The following DACH1 variants were observed in gnomAD, a reference collection of about 807,000 sequenced individuals.
The protein encoded by DACH1 is dachshund homolog 1.
Under a neutral mutation model 54.2 loss-of-function variants are expected in DACH1, and 12 were observed. That is an observed-to-expected ratio of 0.22 (90% confidence interval 0.14 to 0.36). DACH1 has a LOEUF of 0.36. Ranked by LOEUF, DACH1 falls within the 10% of genes least tolerant of loss-of-function variation. The pLI, the probability that DACH1 is intolerant of heterozygous loss-of-function variation, is 1.00. For synonymous variants in DACH1, 386 were observed against 366.2 expected, an observed-to-expected ratio of 1.05 and a Z score of -0.62; for missense variants, 805 against 929.8, an observed-to-expected ratio of 0.87 and a Z score of 1.75.
intron 1 of DACH1, among the ~76,000 whole-genome samples, chr13:71,828,593 A>G (rs1888469366): frequency 6.6e-6 from 1 of 152,048 alleles, no homozygotes; most frequent in African/African-American, 2.4e-5. Flanking sequence ...ATAATGTGCC[A>G]TCTCTAAAGC....
chr13:71,684,283 G>T (rs55773812), intron 1 of DACH1, among the ~76,000 whole-genome samples: 4,107 of 152,138 alleles, frequency 0.027, 87 homozygotes, highest in Middle Eastern at 0.044. Context: ...ATTTGACCTT[G>T]CTTTCCATTT....
intron 2 of DACH1, among the ~76,000 whole-genome samples, chr13:71,650,113 G>T (rs1310383412): frequency 6.6e-6 from 1 of 152,110 alleles, no homozygotes; most frequent in African/African-American, 2.4e-5. Context: ...TTTACTGTTT[G>T]TTCACATTGA....
At chr13:71,488,129 AATATG>A (rs1195704121) in intron 7 of DACH1, among the ~76,000 whole-genome samples, 1 of 152,188 alleles carries the variant, frequency 6.6e-6, no homozygotes, top group African/African-American at 2.4e-5. Context: ...GGGAAACTTT[AATATG>A]ATAGGATATG....
intron 1 of DACH1, among the ~76,000 whole-genome samples, chr13:71,694,669 TG>T (rs1013023842): frequency 1.3e-5 from 2 of 152,202 alleles, no homozygotes; most frequent in Non-Finnish European, 2.9e-5. Context: ...TGTTTTACCA[TG>T]GAATTTTTTT....
At chr13:71,666,762 A>C (rs1879865314) in intron 2 of DACH1, among the ~76,000 whole-genome samples, 1 of 152,146 alleles carries the variant, frequency 6.6e-6, no homozygotes. Context: ...CAGGTGGGTC[A>C]CCTGAGTCAG....
intron 3 of DACH1, among the ~76,000 whole-genome samples, chr13:71,620,044 G>C (rs143704157): frequency 6.6e-6 from 1 of 151,942 alleles, no homozygotes; most frequent in East Asian, 1.9e-4. Flanking sequence ...GATTGCTAAA[G>C]AAAATAATTT....
intron 1 of DACH1, among the ~76,000 whole-genome samples, chr13:71,723,767 T>A (rs1883345885): frequency 6.6e-6 from 1 of 152,186 alleles, no homozygotes; most frequent in African/African-American, 2.4e-5. Context: ...CTTGGCTTAC[T>A]GCAACTTCTG....
intron 1 of DACH1, among the ~76,000 whole-genome samples, chr13:71,736,109 A>G (rs556019645): frequency 3.4e-4 from 52 of 152,264 alleles, no homozygotes; most frequent in African/African-American, 1.2e-3. Flanking sequence ...TGGATTTTCT[A>G]GACATCAACC....
intron 6 of DACH1, among the ~76,000 whole-genome samples, chr13:71,528,041 T>C (rs928486514): frequency 2.6e-5 from 4 of 152,180 alleles, no homozygotes; most frequent in African/African-American, 9.7e-5. Context: ...TGTTTGTCCA[T>C]GAGATTTTTG....
chr13:71,849,683 A>G (rs770591028), intron 1 of DACH1, among the ~76,000 whole-genome samples: 7 of 152,186 alleles, frequency 4.6e-5, no homozygotes, highest in Non-Finnish European at 1.5e-5. Flanking sequence ...GCTAGACACT[A>G]AGACCAGAGC....
chr13:71,579,526 C>A (rs1885734811), intron 3 of DACH1, among the ~76,000 whole-genome samples: 1 of 152,022 alleles, frequency 6.6e-6, no homozygotes, highest in African/African-American at 2.4e-5. Flanking sequence ...TTACTAAAAA[C>A]AATGGCTTCT....
rs561726562 is a variant in DACH1 at position 71,762,977 on chromosome 13, T to C, written c.849-81067A>G. Among the ~76,000 whole-genome samples the C allele has an allele frequency of 2.5e-4, 38 of 152,178 alleles. No individual in the cohort carries two copies. The East Asian group carries it at 3.5e-3, about 14-fold the overall frequency. On this transcript the variant is annotated intron_variant, in intron 1 of 10. Transcript: ENST00000613252. ...TATAAAACGGCTTGCACCACAGATA[T>C]GGGAAGACAAGTTTAAATGACACCA...
intron 1 of DACH1, among the ~76,000 whole-genome samples, chr13:71,715,954 A>T (rs187660077): frequency 6.6e-6 from 1 of 152,178 alleles, no homozygotes; most frequent in Non-Finnish European, 1.5e-5. Context: ...ATCTTTCTAG[A>T]GGTGTAAGTG....
intron 4 of DACH1, 84 bp downstream of exon 4, chr13:71,572,756 T>C (rs1034229497): frequency 2.8e-5 from 39 of 1,408,700 alleles, no homozygotes; most frequent in Middle Eastern, 2.3e-4. Context: ...AGAGTTCAGA[T>C]GTACTTATGG....
intron 3 of DACH1, among the ~76,000 whole-genome samples, chr13:71,617,794 G>A (rs1377783719): frequency 6.6e-6 from 1 of 151,940 alleles, no homozygotes; most frequent in Non-Finnish European, 1.5e-5. Flanking sequence ...ACGTAGGCTT[G>A]GCATCAATCA....
chr13:71,559,692 G>T, intron 5 of DACH1, 128 bp downstream of exon 5: 2 of 1,160,360 alleles, frequency 1.7e-6, no homozygotes, highest in Non-Finnish European at 2.5e-6. Flanking sequence ...TTGAGAGATG[G>T]CTATTGCTAC....
chr13:71,569,304 T>C (rs372183334), intron 4 of DACH1, among the ~76,000 whole-genome samples: 1 of 152,056 alleles, frequency 6.6e-6, no homozygotes, highest in Non-Finnish European at 1.5e-5. Context: ...ACTTTTTTGG[T>C]AAAAGGCCAA....
chr13:71,448,705 A>G (rs1036383815), intron 10 of DACH1, among the ~76,000 whole-genome samples: 1 of 152,218 alleles, frequency 6.6e-6, no homozygotes, highest in Non-Finnish European at 1.5e-5. Flanking sequence ...AGTTCTTCTC[A>G]TGAAATGCAG....
intron 1 of DACH1, among the ~76,000 whole-genome samples, chr13:71,810,171 G>T (rs762444686): frequency 1.3e-5 from 2 of 152,016 alleles, no homozygotes; most frequent in South Asian, 2.1e-4. Flanking sequence ...AATACCAGGC[G>T]CTGTACTAGA....
Sources: gnomAD v4.1 joint callset for allele counts (sites outside exome capture counted in the v4.1 genomes callset) on GRCh38, gnomAD v4.1.1 for gene constraint, MANE v1.5 for transcripts, NCBI Gene and HGNC (gene_info 2026-07-23, HGNC 2026-07-21) for gene names.